Variants in MYBPC1 observed in about 807,000 individuals in gnomAD.
MYBPC1 encodes the protein myosin binding protein C1, also known as myosin-binding protein C, slow-type.
MYBPC1 carries 52 observed loss-of-function variants against 147.1 expected under a neutral mutation model. That is an observed-to-expected ratio of 0.35 (90% CI 0.28 to 0.45). The LOEUF (loss-of-function observed/expected upper bound fraction) is 0.45. Ranked by LOEUF, MYBPC1 falls within the 20% of genes least tolerant of loss-of-function variation. MYBPC1 has a pLI of 1.00. For missense variants in MYBPC1, 1,228 were observed against 1,440.3 expected, an observed-to-expected ratio of 0.85 and a Z score of 2.39; for synonymous variants, 477 against 475.9, an observed-to-expected ratio of 1.00 and a Z score of -0.03.
chr12:101,663,542 G>C lies in MYBPC1; in HGVS notation c.2338G>C (p.Glu780Gln). ...GAAGLDGYVL[E>Q]YCFEGTEDWI... The stretch of plus-strand genomic sequence containing the variant: ...AGCAGGTTTAGATGGCTATGTGCTA[G>C]AGTATTGCTTTGAAGGAAGTAAGTA... Residue 780 changes from glutamate (E) to glutamine (Q), a missense_variant, in exon 22 of 32, where the codon GAG becomes CAG. Physicochemically the swap from Glu to Gln is conservative, Grantham distance 29. Around this residue, in one of 2 missense-constraint regions of MYBPC1, gnomAD observed 1,077 missense variants for 1,314.2 expected, o/e 0.82. Transcript: ENST00000361466. 6.2e-7 allele frequency: 1 copy of C among 1,614,058 alleles called. No individual in the cohort carries two copies. The highest frequency in any genetic ancestry group is 8.5e-7 in the Non-Finnish European group (1 of 1,180,002).
intron 18 of MYBPC1, among the ~76,000 whole-genome samples, chr12:101,659,191 C>T (rs926378488): frequency 8.5e-5 from 13 of 152,270 alleles, no homozygotes; most frequent in African/African-American, 3.1e-4. Context: ...CAATCCTTTT[C>T]GGTATTTTAA....
intron 24 of MYBPC1, among the ~76,000 whole-genome samples, chr12:101,671,310 TAC>T (rs5800480): frequency 0.18 from 18,909 of 105,260 alleles, 1,208 homozygotes; most frequent in Middle Eastern, 0.25. Flanking sequence ...GACACTCATA[TAC>T]ACACACACAC....
chr12:101,681,370 T>C (rs1030242316), intron 29 of MYBPC1, among the ~76,000 whole-genome samples: 1 of 151,662 alleles, frequency 6.6e-6, no homozygotes, highest in African/African-American at 2.4e-5. Flanking sequence ...ATTGCCATTC[T>C]GTAATAACCA....
At position 101,685,609 on chromosome 12, in the gene MYBPC1, T is replaced by G; in HGVS notation, c.*47T>G. ...GGGCTCTCCTTCTGCAGACTCCTCT[T>G]GCAAGGCGTACCTCCAAACATAATT... On this transcript the variant is annotated 3_prime_UTR_variant, in exon 32 of 32. Transcript: ENST00000361466. 6.5e-7 allele frequency: 1 copy of G among 1,534,588 alleles called. No individual in the cohort carries two copies. The highest frequency in any genetic ancestry group is 8.7e-7 in the Non-Finnish European group (1 of 1,145,630).
intron 10 of MYBPC1, among the ~76,000 whole-genome samples, chr12:101,639,803 C>A (rs1433760957): frequency 2.0e-5 from 3 of 151,962 alleles, no homozygotes; most frequent in Non-Finnish European, 4.4e-5. Flanking sequence ...AGCTTTAAAT[C>A]CTCCGCCAAT....
chr12:101,632,748 G>C (rs1411867549), intron 8 of MYBPC1, among the ~76,000 whole-genome samples: 1 of 152,198 alleles, frequency 6.6e-6, no homozygotes, highest in Non-Finnish European at 1.5e-5. Context: ...TATTTTATTT[G>C]AGACAGAGTC....
At chr12:101,629,740 G>T (rs185157120) in intron 6 of MYBPC1, among the ~76,000 whole-genome samples, 196 bp downstream of exon 6, 24 of 152,126 alleles carry the variant, frequency 1.6e-4, no homozygotes, top group Non-Finnish European at 3.4e-4. Context: ...GGGCATGGTG[G>T]CAGACACCTG....
chr12:101,644,525 T>C (rs1208068550), intron 11 of MYBPC1, 139 bp from the exon 12 acceptor site: 1 of 755,460 alleles, frequency 1.3e-6, no homozygotes, highest in African/African-American at 1.8e-5. Context: ...ATATAAAGGA[T>C]AATTTGGAAG....
In MYBPC1 at chr12:101,685,571, G is replaced by T; in HGVS notation, c.*20-11G>T. 2 of 1,504,320 alleles carry T rather than the reference G, an allele frequency of 1.3e-6. No homozygotes were observed. Among genetic ancestry groups the T allele is most frequent in the Non-Finnish European group, 8.9e-7 (1 of 1,118,650 alleles). 93.2% of individuals were successfully genotyped at this position (1,504,320 alleles called of 1,614,324 possible). On this transcript the variant is annotated splice_polypyrimidine_tract_variant and intron_variant, in intron 31 of 31. Transcript: ENST00000361466. ...TTTTGATTTGTCTGTTTTCCTTTTG[G>T]TCCTCTCTAGGTGGGCTCTCCTTCT...
In MYBPC1 at chr12:101,675,282, C is replaced by T. The variant is rs1361579468; in HGVS notation, c.2810-10C>T. 2 of 1,613,838 alleles carry T rather than the reference C, an allele frequency of 1.2e-6. No homozygotes were observed. Among genetic ancestry groups the T allele is most frequent in the African/African-American group, 1.3e-5 (1 of 74,914 alleles). ...TGACCTTGCAGTGACACCATGAATT[C>T]ATCCTGTAGACCGTCCAGGTCCACC... On this transcript the variant is annotated splice_polypyrimidine_tract_variant and intron_variant, in intron 25 of 31. Transcript: ENST00000361466.
intron 25 of MYBPC1, among the ~76,000 whole-genome samples, chr12:101,674,521 C>A (rs925126209): frequency 6.6e-6 from 1 of 152,036 alleles, no homozygotes; most frequent in Non-Finnish European, 1.5e-5. Flanking sequence ...GGAAGGACCC[C>A]TTGTGGATAG....
chr12:101,661,268 T>G lies in MYBPC1; in HGVS notation c.2032+6T>G. ...CGGAGGCTCTCCAATCCTAGGTAAC[T>G]GCATGTTGGTTAGTCTGTGTAACTG... On this transcript the variant is annotated splice_donor_region_variant and intron_variant, in intron 20 of 31. Coordinates refer to ENST00000361466, the MANE Select transcript of MYBPC1 (RefSeq NM_002465.4). 1.9e-6 allele frequency: 3 copies of G among 1,584,454 alleles called. No homozygotes were observed. The South Asian group carries it at 3.3e-5, about 18-fold the overall frequency.
intron 11 of MYBPC1, among the ~76,000 whole-genome samples, chr12:101,643,809 G>T (rs889081438): frequency 2.0e-5 from 3 of 152,040 alleles, no homozygotes; most frequent in Non-Finnish European, 4.4e-5. Context: ...AAACGTATGT[G>T]CAAGGGGTGT....
intron 3 of MYBPC1, among the ~76,000 whole-genome samples, chr12:101,619,155 G>A (rs1199067344): frequency 1.3e-5 from 2 of 151,864 alleles, no homozygotes; most frequent in African/African-American, 4.8e-5. Flanking sequence ...AGGATTGATG[G>A]GTGCAACCTA....
At chr12:101,670,521 G>A (rs1464547798) in intron 24 of MYBPC1, 112 bp downstream of exon 24, 3 of 911,320 alleles carry the variant, frequency 3.3e-6, no homozygotes, top group Admixed American at 1.8e-5. Context: ...TCCTCAGAGG[G>A]AGAGGAGGTA....
intron 23 of MYBPC1, chr12:101,669,951 AGAAAC>A: frequency 2.9e-6 from 1 of 343,368 alleles, no homozygotes; most frequent in Non-Finnish European, 5.5e-6. Context: ...AAAAAAAAAA[AGAAAC>A]TATGAAAAGT....
the MYBPC1 span, among the ~76,000 whole-genome samples, chr12:101,691,632 T>A: frequency 6.6e-6 from 1 of 152,214 alleles, no homozygotes; most frequent in Non-Finnish European, 1.5e-5. Context: ...GGAATACAAT[T>A]TAGTTAAACC....
At position 101,667,725 on chromosome 12, in the gene MYBPC1, A is replaced by T. The variant is rs956409852; in HGVS notation, c.2357-7A>T. ...TCCTTCTTTTCCTTTTCTTTTACGG[A>T]CTTCAGCTGAGGACTGGATAGTTGC... On this transcript the variant is annotated splice_region_variant and splice_polypyrimidine_tract_variant and intron_variant, in intron 22 of 31. Coordinates refer to ENST00000361466, the MANE Select transcript of MYBPC1 (RefSeq NM_002465.4). The T allele has an allele frequency of 1.2e-6, 2 of 1,613,994 alleles. No homozygotes were observed. Among genetic ancestry groups the T allele is most frequent in the Non-Finnish European group, 1.7e-6 (2 of 1,179,994 alleles).
At chr12:101,679,754 A>G (rs1200857735) in intron 28 of MYBPC1, among the ~76,000 whole-genome samples, 1 of 152,126 alleles carries the variant, frequency 6.6e-6, no homozygotes, top group East Asian at 1.9e-4. Context: ...AAACAGTATC[A>G]GGAAAAGGAA....
Sources: gnomAD v4.1 joint callset for allele counts (sites outside exome capture counted in the v4.1 genomes callset) on GRCh38, gnomAD v4.1.1 for gene constraint, gnomAD v4.1.1 regional missense constraint, MANE v1.5 for transcripts, NCBI Gene and HGNC (gene_info 2026-07-23, HGNC 2026-07-21) for gene names.